Variants in PCOLCE2 observed in about 807,000 individuals in gnomAD.
PCOLCE2 encodes the protein procollagen C-proteinase enhancer 2.
PCOLCE2 carries 42 observed loss-of-function variants against 47.0 expected under a neutral mutation model. The observed-to-expected ratio is 0.89, with a 90% confidence interval of 0.70 to 1.16. The LOEUF (loss-of-function observed/expected upper bound fraction) is 1.16, where lower values mean the gene tolerates loss of function less well. PCOLCE2 is among the 50% of genes most tolerant of loss of function. PCOLCE2 has a pLI of 0.00. For synonymous variants in PCOLCE2, 169 were observed against 191.7 expected (o/e 0.88, Z 0.98); for missense variants, 500 against 526.1 (o/e 0.95, Z 0.49).
At chr3:142,873,062 A>G (rs1052571797) in intron 2 of PCOLCE2, among the ~76,000 whole-genome samples, 6 of 152,108 alleles carry the variant, frequency 3.9e-5, no homozygotes, top group Non-Finnish European at 8.8e-5. Context: ...ATTCAACCTT[A>G]TATTACTTAC....
At chr3:142,885,114 G>A (rs1933694879) in intron 2 of PCOLCE2, among the ~76,000 whole-genome samples, 1 of 152,182 alleles carries the variant, frequency 6.6e-6, no homozygotes, top group African/African-American at 2.4e-5. Flanking sequence ...CGAAGGACTG[G>A]AAGTTTGGTG....
In PCOLCE2 at chr3:142,827,677, G is replaced by A. The variant is rs878958871; in HGVS notation, c.865+2015C>T. ...TCCGCTTCTTAAACCAGTACGGGTCGCGGAAGACCACCTTGGGGAGGGGCG... is the reference window on the plus strand; with the variant it reads ...TCCGCTTCTTAAACCAGTACGGGTCACGGAAGACCACCTTGGGGAGGGGCG... On this transcript the variant is annotated intron_variant, in intron 6 of 8. Transcript: ENST00000295992. 2.4e-5 allele frequency: 32 copies of A among 1,321,096 alleles called. 1 individual carries two copies. The highest frequency in any genetic ancestry group is 1.2e-4 in the African/African-American group (8 of 68,112). 81.8% of individuals were successfully genotyped at this position (1,321,096 alleles called of 1,614,324 possible).
In PCOLCE2 at chr3:142,851,682, G is replaced by A. The variant is rs565400562; in HGVS notation, c.193-3210C>T. Among the ~76,000 whole-genome samples, 3 of 152,324 alleles carry A rather than the reference G, an allele frequency of 2.0e-5. 1 individual carries two copies. Among genetic ancestry groups the A allele is most frequent in the Non-Finnish European group, 4.4e-5 (3 of 68,026 alleles). On this transcript the variant is annotated intron_variant, in intron 2 of 8. Coordinates refer to ENST00000295992, the MANE Select transcript of PCOLCE2 (RefSeq NM_013363.4). ...CACCCATATAGATATTGAAATTACA[G>A]TTGATTAGGACAAGGAAGAGTGTTG...
At chr3:142,864,740 T>C (rs1169435051) in intron 2 of PCOLCE2, among the ~76,000 whole-genome samples, 2 of 152,218 alleles carry the variant, frequency 1.3e-5, no homozygotes, top group Non-Finnish European at 2.9e-5. Flanking sequence ...TTCTGGACAT[T>C]CATATGAATG....
At chr3:142,844,464 T>G (rs1031454069) in intron 3 of PCOLCE2, among the ~76,000 whole-genome samples, 6 of 152,240 alleles carry the variant, frequency 3.9e-5, no homozygotes. Flanking sequence ...TGTAAATATT[T>G]AACTTCATAA....
intron 7 of PCOLCE2, among the ~76,000 whole-genome samples, chr3:142,821,723 T>G (rs566135260): frequency 6.6e-6 from 1 of 152,168 alleles, no homozygotes; most frequent in South Asian, 2.1e-4. Context: ...AAACCTCTAG[T>G]AAAATTCAGT....
intron 2 of PCOLCE2, among the ~76,000 whole-genome samples, chr3:142,880,348 T>C (rs1000075500): frequency 6.6e-6 from 1 of 152,122 alleles, no homozygotes; most frequent in African/African-American, 2.4e-5. Context: ...AAAATTCCAT[T>C]CCCCTATCTG....
chr3:142,824,289 G>A (rs1937049059), intron 6 of PCOLCE2, among the ~76,000 whole-genome samples: 1 of 152,050 alleles, frequency 6.6e-6, no homozygotes, highest in South Asian at 2.1e-4. Flanking sequence ...AACATTTCTG[G>A]TTATCACAAC....
intron 2 of PCOLCE2, among the ~76,000 whole-genome samples, chr3:142,854,882 T>G (rs999605318): frequency 1.3e-5 from 2 of 152,236 alleles, no homozygotes; most frequent in African/African-American, 4.8e-5. Flanking sequence ...GGCCCAACTT[T>G]ATAGTTTACA....
At chr3:142,860,127 T>G (rs1933151510) in intron 2 of PCOLCE2, among the ~76,000 whole-genome samples, 1 of 152,230 alleles carries the variant, frequency 6.6e-6, no homozygotes, top group Non-Finnish European at 1.5e-5. Context: ...AATAAGTCCT[T>G]GCCCTCTTCC....
intron 2 of PCOLCE2, among the ~76,000 whole-genome samples, chr3:142,851,922 CAATAA>C (rs920738649): frequency 8.5e-5 from 13 of 152,244 alleles, no homozygotes; most frequent in African/African-American, 1.9e-4. Flanking sequence ...TGCTCATTCC[CAATAA>C]AATAAATCAT....
intron 5 of PCOLCE2, among the ~76,000 whole-genome samples, chr3:142,837,461 T>C (rs1937216284): frequency 6.6e-6 from 1 of 152,204 alleles, no homozygotes; most frequent in Non-Finnish European, 1.5e-5. Flanking sequence ...TTCTTATCAA[T>C]GTAAATGTAA....
chr3:142,835,376 T>C (rs1213059959), intron 5 of PCOLCE2, among the ~76,000 whole-genome samples: 1 of 152,218 alleles, frequency 6.6e-6, no homozygotes, highest in African/African-American at 2.4e-5. Flanking sequence ...AATTGATTTT[T>C]TCCTAATATC....
chr3:142,888,757 T>C (rs1933766003), intron 1 of PCOLCE2, 57 bp downstream of exon 1: 2 of 1,061,984 alleles, frequency 1.9e-6, no homozygotes, highest in African/African-American at 3.3e-5. Flanking sequence ...CAGGCGAGGC[T>C]GCAGGGGTGG....
In PCOLCE2 at chr3:142,820,861, G is replaced by A. The variant is rs1160890413; in HGVS notation, c.1117+17C>T. On this transcript the variant is annotated intron_variant, in intron 8 of 8. Coordinates refer to ENST00000295992, the MANE Select transcript of PCOLCE2 (RefSeq NM_013363.4). ...TCCATGGCTTGCTCAGAGACACCCAGTTTTCTCCCTACTCACCTCTTCTGA... is the reference window on the plus strand; with the variant it reads ...TCCATGGCTTGCTCAGAGACACCCAATTTTCTCCCTACTCACCTCTTCTGA... 2 of 1,595,620 alleles carry A rather than the reference G, an allele frequency of 1.3e-6. No individual in the cohort carries two copies. Among genetic ancestry groups the A allele is most frequent in the South Asian group, 1.1e-5 (1 of 90,224 alleles).
chr3:142,832,287 G>A (rs1937159794), intron 5 of PCOLCE2, among the ~76,000 whole-genome samples: 1 of 152,100 alleles, frequency 6.6e-6, no homozygotes, highest in South Asian at 2.1e-4. Flanking sequence ...ACCTTCTCTA[G>A]GACGGGGGTT....
intron 6 of PCOLCE2, 34 bp downstream of exon 6, chr3:142,829,658 G>T: frequency 2.0e-6 from 3 of 1,512,928 alleles, no homozygotes; most frequent in South Asian, 1.3e-5. Flanking sequence ...TACTCCTAAA[G>T]TTTTTGCACA....
intron 3 of PCOLCE2, among the ~76,000 whole-genome samples, chr3:142,845,772 C>T (rs752205828): frequency 2.6e-5 from 4 of 152,112 alleles, no homozygotes; most frequent in Admixed American, 6.5e-5. Flanking sequence ...GTCAGGAGTT[C>T]GAAACCAGCC....
Position 142,843,849 on chromosome 3 carries a change from T to G in PCOLCE2, c.449-801A>C, listed in dbSNP as rs554863360. 4.9e-3 allele frequency among the ~76,000 whole-genome samples: 745 copies of G among 152,304 alleles called. 6 individuals are homozygous for G. Among genetic ancestry groups the G allele is most frequent in the Non-Finnish European group, 5.9e-3 (399 of 68,008 alleles). On this transcript the variant is annotated intron_variant, in intron 3 of 8. Coordinates refer to ENST00000295992, the MANE Select transcript of PCOLCE2 (RefSeq NM_013363.4). The stretch of plus-strand genomic sequence containing the variant: ...TTTGACACAGAATATATCCAACCAT[T>G]CTTAAATCAAACTTCTAAATTTAAG...
Sources: allele counts gnomAD v4.1 joint callset (sites outside exome capture counted in the v4.1 genomes callset), GRCh38; gene constraint gnomAD v4.1.1; transcripts MANE v1.5; gene names NCBI Gene and HGNC (gene_info 2026-07-23, HGNC 2026-07-21).